Variants in CHRM3 observed in about 807,000 individuals in gnomAD.
CHRM3 encodes the protein muscarinic acetylcholine receptor M3.
Under a neutral mutation model 41.8 loss-of-function variants are expected in CHRM3, and 11 were observed. The observed-to-expected ratio is 0.26, with a 90% CI of 0.17 to 0.44. CHRM3 has a LOEUF of 0.44. Among genes scored for constraint, CHRM3 ranks in the 20% least tolerant of loss-of-function variants. CHRM3 has a pLI of 1.00. For synonymous variants in CHRM3, 297 were observed against 301.4 expected (o/e 0.99, Z 0.15); for missense variants, 571 against 745.4 (o/e 0.77, Z 2.72).
At chr1:239,813,641 G>C (rs1243417501) in intron 5 of CHRM3, among the ~76,000 whole-genome samples, 1 of 151,720 alleles carries the variant, frequency 6.6e-6, no homozygotes, top group African/African-American at 2.4e-5. Context: ...CAGTTGGCCG[G>C]GCGCGGTGGC....
chr1:239,673,630 A>G (rs914840078), intron 4 of CHRM3, among the ~76,000 whole-genome samples: 1 of 152,120 alleles, frequency 6.6e-6, no homozygotes, highest in Non-Finnish European at 1.5e-5. Flanking sequence ...TGTATTTATA[A>G]TTACTCTGCC....
At chr1:239,759,176 T>G (rs1042966582) in intron 5 of CHRM3, among the ~76,000 whole-genome samples, 1 of 144,968 alleles carries the variant, frequency 6.9e-6, no homozygotes, top group African/African-American at 2.7e-5. Flanking sequence ...TTTGTTTTTT[T>G]TTTTTGTTTT....
chr1:239,906,972 T>G (rs1212713858), intron 6 of CHRM3, among the ~76,000 whole-genome samples: 3 of 152,222 alleles, frequency 2.0e-5, no homozygotes, highest in Non-Finnish European at 4.4e-5. Flanking sequence ...ATGGCTGGTA[T>G]CACCTTAAAG....
intron 6 of CHRM3, among the ~76,000 whole-genome samples, chr1:239,846,339 A>G (rs959779491): frequency 2.6e-5 from 4 of 152,322 alleles, no homozygotes; most frequent in African/African-American, 7.2e-5. Flanking sequence ...TCATAAAGGG[A>G]AAATTATTAC....
At chr1:239,590,849 A>G (rs925518526) in intron 3 of CHRM3, among the ~76,000 whole-genome samples, 2 of 152,190 alleles carry the variant, frequency 1.3e-5, no homozygotes, top group East Asian at 1.9e-4. Flanking sequence ...GATAAAAGAC[A>G]AGAGACTCAC....
intron 2 of CHRM3, among the ~76,000 whole-genome samples, chr1:239,532,967 T>C (rs1318195177): frequency 2.0e-5 from 3 of 152,196 alleles, no homozygotes; most frequent in Non-Finnish European, 4.4e-5. Flanking sequence ...AAACCTTCAA[T>C]TAAATAATTT....
At chr1:239,825,078 G>C (rs1672347082) in intron 5 of CHRM3, among the ~76,000 whole-genome samples, 1 of 152,218 alleles carries the variant, frequency 6.6e-6, no homozygotes, top group Non-Finnish European at 1.5e-5. Flanking sequence ...GGTGGGCCAA[G>C]CAATTTCTTC....
intron 4 of CHRM3, among the ~76,000 whole-genome samples, chr1:239,662,893 C>CTCTTCTTCTTTTTCTTCT (rs1673361578): frequency 4.3e-5 from 2 of 46,352 alleles, no homozygotes; most frequent in African/African-American, 1.6e-4. Flanking sequence ...CTTCCTCCTC[C>CTCTTCTTCTTTTTCTTCT]TCTTCTTCTT....
At position 239,842,859 on chromosome 1, in the gene CHRM3, G is replaced by A. The variant is rs185489416; in HGVS notation, c.-20+15481G>A. Among the ~76,000 whole-genome samples, 235 of 152,216 alleles carry A rather than the reference G, an allele frequency of 1.5e-3. 1 individual carries two copies. Among genetic ancestry groups the A allele is most frequent in the South Asian group, 4.2e-3 (20 of 4,818 alleles). On this transcript the variant is annotated intron_variant, in intron 6 of 6. Transcript: ENST00000676153. ...GCTTCCATTCCCATGGTCACCATCC[G>A]GGATTCAGATCTTCAGCATTCCTGT...
chr1:239,407,798 A>C (rs74149052), intron 1 of CHRM3, among the ~76,000 whole-genome samples: 3,340 of 152,294 alleles, frequency 0.022, 97 homozygotes, highest in African/African-American at 0.076. Context: ...TAATTAAAAA[A>C]AATTAATGTA....
At chr1:239,654,248 T>C (rs948991490) in intron 4 of CHRM3, among the ~76,000 whole-genome samples, 1 of 152,030 alleles carries the variant, frequency 6.6e-6, no homozygotes, top group Non-Finnish European at 1.5e-5. Flanking sequence ...GGATTACAGG[T>C]GCGAGCCACT....
At chr1:239,790,821 T>C (rs1480610348) in intron 5 of CHRM3, among the ~76,000 whole-genome samples, 1 of 152,192 alleles carries the variant, frequency 6.6e-6, no homozygotes, top group Non-Finnish European at 1.5e-5. Flanking sequence ...AGGACTGTGC[T>C]TGGGCCTCAA....
At chr1:239,587,808 A>G (rs1663582970) in intron 3 of CHRM3, among the ~76,000 whole-genome samples, 1 of 152,224 alleles carries the variant, frequency 6.6e-6, no homozygotes, top group Non-Finnish European at 1.5e-5. Context: ...GAACCTAAAT[A>G]AACTTTCTCA....
chr1:239,740,915 G>T (rs1019563440), intron 5 of CHRM3, among the ~76,000 whole-genome samples: 1 of 152,122 alleles, frequency 6.6e-6, no homozygotes, highest in Non-Finnish European at 1.5e-5. Context: ...GTTAAATTTA[G>T]ATATTAAATA....
At chr1:239,849,375 A>G (rs550361706) in intron 6 of CHRM3, among the ~76,000 whole-genome samples, 2 of 152,320 alleles carry the variant, frequency 1.3e-5, no homozygotes, top group Non-Finnish European at 2.9e-5. Flanking sequence ...GACGTTTCCC[A>G]TTATAGGTGC....
At chr1:239,635,409 C>T (rs1262861560) in intron 4 of CHRM3, among the ~76,000 whole-genome samples, 2 of 152,172 alleles carry the variant, frequency 1.3e-5, no homozygotes, top group Non-Finnish European at 2.9e-5. Flanking sequence ...TCCTACACTC[C>T]AAGCCTCCCT....
chr1:239,764,338 G>C (rs547681894), intron 5 of CHRM3, among the ~76,000 whole-genome samples: 1 of 152,194 alleles, frequency 6.6e-6, no homozygotes, highest in African/African-American at 2.4e-5. Context: ...ATTATCCTTG[G>C]CATGAGGAAG....
chr1:239,532,225 G>A lies in CHRM3; in HGVS notation c.-421-13416G>A, dbSNP rs1246543575. On this transcript the variant is annotated intron_variant, in intron 2 of 6. Transcript: ENST00000676153. ...ACAGGGTTTCACCATGTTAGCCAGGGTGGTCTCAATCTCCTGACCTCATGA... is the reference window on the plus strand; with the variant it reads ...ACAGGGTTTCACCATGTTAGCCAGGATGGTCTCAATCTCCTGACCTCATGA... 1.5e-4 allele frequency among the ~76,000 whole-genome samples: 21 copies of A among 142,574 alleles called. No homozygotes were observed. The South Asian group carries it at 3.0e-3, about 20-fold the overall frequency. The allele number at this position is 142,574 out of a possible 152,430, so 93.5% of individuals were successfully genotyped here.
At chr1:239,512,728 A>G (rs1041517995) in intron 2 of CHRM3, among the ~76,000 whole-genome samples, 1 of 151,430 alleles carries the variant, frequency 6.6e-6, no homozygotes, top group African/African-American at 2.4e-5. Context: ...TCTTGAAGGT[A>G]TAACCCTCTA....
Sources: allele counts gnomAD v4.1 joint callset (sites outside exome capture counted in the v4.1 genomes callset), GRCh38; gene constraint gnomAD v4.1.1; transcripts MANE v1.5; gene names NCBI Gene and HGNC (gene_info 2026-07-23, HGNC 2026-07-21).